SLC5A12: variants seen among roughly 807,000 people sequenced by gnomAD.
SLC5A12 encodes sodium-coupled monocarboxylate transporter 2.
In SLC5A12, 46 loss-of-function variants were observed where a neutral mutation model predicts 72.7. That is an observed-to-expected ratio of 0.63 (90% confidence interval 0.50 to 0.81). The LOEUF is 0.81. SLC5A12 is among the 30% of genes least tolerant of loss of function. The probability of loss-of-function intolerance (pLI) is 0.00; values close to 1 mark genes in which losing one functional copy is unlikely to be tolerated. For missense variants in SLC5A12, 683 were observed against 740.7 expected, an observed-to-expected ratio of 0.92 and a Z score of 0.90; for synonymous variants, 275 against 264.4, an observed-to-expected ratio of 1.04 and a Z score of -0.39.
At position 26,668,316 on chromosome 11, in the gene SLC5A12, C is replaced by T. The variant is rs887857384; in HGVS notation, c.*2786G>A. 2.0e-5 allele frequency: 3 copies of T among 151,982 alleles called. No individual in the cohort carries two copies. Among genetic ancestry groups the T allele is most frequent in the East Asian group, 1.9e-4 (1 of 5,182 alleles). 9.4% of individuals were successfully genotyped at this position (151,982 alleles called of 1,614,324 possible). A position where few individuals can be genotyped will look rare whatever the true frequency, so the allele number is the denominator to read the frequency against. On this transcript the variant is annotated 3_prime_UTR_variant, in exon 15 of 15. Transcript: ENST00000396005. ...TATCTGTGGTTGTGCTTTAAAGGTA[C>T]AGTGGTGAGTATCAAGTTTGGAACA...
intron 8 of SLC5A12, 106 bp from the exon 9 acceptor site, chr11:26,692,707 C>T: frequency 1.5e-6 from 1 of 670,044 alleles, no homozygotes; most frequent in Non-Finnish European, 2.6e-6. Flanking sequence ...CTAGAAAAAA[C>T]AGATGCAGAT....
chr11:26,702,098 T>C (rs1037260018), intron 6 of SLC5A12, among the ~76,000 whole-genome samples: 1 of 152,304 alleles, frequency 6.6e-6, no homozygotes, highest in Admixed American at 6.5e-5. Flanking sequence ...CCAACTATAA[T>C]CTATTTTAGA....
intron 4 of SLC5A12, among the ~76,000 whole-genome samples, chr11:26,708,353 C>G (rs957333371): frequency 6.6e-6 from 1 of 151,794 alleles, no homozygotes; most frequent in Non-Finnish European, 1.5e-5. Flanking sequence ...AGTTGAGTGT[C>G]TGGAATAGAA....
In SLC5A12 at chr11:26,715,941, C is replaced by A. The variant is rs1166146713; in HGVS notation, c.340-3235G>T. On this transcript the variant is annotated intron_variant, in intron 1 of 14. Transcript: ENST00000396005. ...TGAGCCAGGCAAAATTGTTAATCTG[C>A]AGAATTGTGAAAAACTAAAATTGTT... Among the ~76,000 whole-genome samples the A allele has an allele frequency of 3.3e-5, 5 of 152,088 alleles. No individual in the cohort carries two copies. The East Asian group carries it at 9.6e-4, about 29-fold the overall frequency.
chr11:26,712,619 TG>T, intron 2 of SLC5A12, 21 bp downstream of exon 2: 1 of 1,506,104 alleles, frequency 6.6e-7, no homozygotes, highest in South Asian at 1.3e-5. Flanking sequence ...TTTCCACATC[TG>T]CAGCAGCCAT....
intron 1 of SLC5A12, among the ~76,000 whole-genome samples, chr11:26,717,872 C>G (rs978650326): frequency 6.6e-6 from 1 of 152,066 alleles, no homozygotes; most frequent in South Asian, 2.1e-4. Context: ...CACTGCTGCT[C>G]CTGAAGCTAG....
chr11:26,685,798 C>T (rs1034132182), intron 10 of SLC5A12, among the ~76,000 whole-genome samples: 1 of 152,018 alleles, frequency 6.6e-6, no homozygotes, highest in African/African-American at 2.4e-5. Context: ...AGAACTTGAA[C>T]AGGGTATTTT....
At chr11:26,707,874 T>C (rs140745735) in intron 4 of SLC5A12, among the ~76,000 whole-genome samples, 2 of 152,126 alleles carry the variant, frequency 1.3e-5, no homozygotes, top group African/African-American at 4.8e-5. Flanking sequence ...GGATTATTCC[T>C]CCAGAGAGGA....
intron 12 of SLC5A12, among the ~76,000 whole-genome samples, chr11:26,680,402 T>TATGTATATATATAC (rs1854381874): frequency 8.3e-6 from 1 of 120,158 alleles, no homozygotes; most frequent in African/African-American, 2.9e-5. Flanking sequence ...TTCATATATA[T>TATGTATATATATAC]ATATATATTT....
In SLC5A12 at chr11:26,678,569, G is replaced by C. The variant is rs530188277; in HGVS notation, c.1579+143C>G. On this transcript the variant is annotated intron_variant, in intron 13 of 14. Coordinates refer to ENST00000396005, the MANE Select transcript of SLC5A12 (RefSeq NM_178498.4). ...TAATGAAGGGTGCCTTTGTATGTCA[G>C]CGTTGAGAGAGTAGACATCTCTGTG... The C allele has an allele frequency of 1.8e-5, 11 of 619,882 alleles. No homozygotes were observed. The East Asian group carries it at 2.9e-4, about 17-fold the overall frequency. The allele number at this position is 619,882 out of a possible 1,614,324, so 38.4% of individuals were successfully genotyped here. A position where few individuals can be genotyped will look rare whatever the true frequency, so the allele number is the denominator to read the frequency against.
Position 26,681,046 on chromosome 11 carries a change from T to A in SLC5A12, c.1475+9A>T. 2 of 1,579,582 alleles carry A rather than the reference T, an allele frequency of 1.3e-6. No individual in the cohort carries two copies. The highest frequency in any genetic ancestry group is 1.7e-6 in the Non-Finnish European group (2 of 1,163,132). On this transcript the variant is annotated intron_variant, in intron 12 of 14. Coordinates refer to ENST00000396005, the MANE Select transcript of SLC5A12 (RefSeq NM_178498.4). ...CTGGGACTTAGCACCATCTATAAAG[T>A]CAGCATACCTGCTGGATAGTACTGG...
intron 6 of SLC5A12, among the ~76,000 whole-genome samples, chr11:26,702,181 T>C (rs552530362): frequency 1.3e-5 from 2 of 152,160 alleles, no homozygotes; most frequent in African/African-American, 4.8e-5. Context: ...GATAAAGAGA[T>C]GACCACATGT....
chr11:26,715,853 C>T (rs1446894642), intron 1 of SLC5A12, among the ~76,000 whole-genome samples: 2 of 152,150 alleles, frequency 1.3e-5, no homozygotes, highest in Non-Finnish European at 2.9e-5. Flanking sequence ...AGCCAACTAG[C>T]TACCTTATGG....
chr11:26,676,986 T>C (rs1854281201), intron 13 of SLC5A12, among the ~76,000 whole-genome samples: 1 of 152,140 alleles, frequency 6.6e-6, no homozygotes, highest in Non-Finnish European at 1.5e-5. Flanking sequence ...TGTCCTTCCT[T>C]ACTGACCCTA....
At chr11:26,697,093 T>C in intron 8 of SLC5A12, 71 bp downstream of exon 8, 1 of 1,301,168 alleles carries the variant, frequency 7.7e-7, no homozygotes, top group Non-Finnish European at 1.1e-6. Context: ...TGCTAAATAT[T>C]GTTGATCACT....
In SLC5A12 at chr11:26,668,082, A is replaced by G. The variant is rs938760769; in HGVS notation, c.*3020T>C. The G allele has an allele frequency of 1.2e-4, 19 of 152,118 alleles. 1 individual carries two copies. The highest frequency in any genetic ancestry group is 4.6e-4 in the African/African-American group (19 of 41,534). 9.4% of individuals were successfully genotyped at this position (152,118 alleles called of 1,614,324 possible). A position where few individuals can be genotyped will look rare whatever the true frequency, so the allele number is the denominator to read the frequency against. ...TTTACTCCTATTAATTGGTGAATAA[A>G]CTAAGATTTTAAAATATTGCCCAAA... On this transcript the variant is annotated 3_prime_UTR_variant, in exon 15 of 15. Coordinates refer to ENST00000396005, the MANE Select transcript of SLC5A12 (RefSeq NM_178498.4).
chr11:26,676,984 C>T (rs1255893284), intron 13 of SLC5A12, among the ~76,000 whole-genome samples: 2 of 152,164 alleles, frequency 1.3e-5, no homozygotes, highest in Non-Finnish European at 2.9e-5. Flanking sequence ...TCTGTCCTTC[C>T]TTACTGACCC....
intron 1 of SLC5A12, among the ~76,000 whole-genome samples, chr11:26,719,508 A>G (rs140126808): frequency 6.6e-4 from 100 of 152,216 alleles, no homozygotes; most frequent in African/African-American, 2.3e-3. Context: ...CCTGCTGTAT[A>G]TAACTGGGCA....
In SLC5A12 at chr11:26,669,546, C is replaced by T. The variant is rs1262720180; in HGVS notation, c.*1556G>A. ...TCTCTTATAAACTGTAGCCTAATAC[C>T]TTCTTTCTCTTTCTCCATTCTCCTT... On this transcript the variant is annotated 3_prime_UTR_variant, in exon 15 of 15. Coordinates refer to ENST00000396005, the MANE Select transcript of SLC5A12 (RefSeq NM_178498.4). 6.6e-6 allele frequency: 1 copy of T among 151,732 alleles called. No homozygotes were observed. Among genetic ancestry groups the T allele is most frequent in the Non-Finnish European group, 1.5e-5 (1 of 67,914 alleles). 9.4% of individuals were successfully genotyped at this position (151,732 alleles called of 1,614,324 possible).
Sources: gnomAD v4.1 joint callset for allele counts (sites outside exome capture counted in the v4.1 genomes callset) on GRCh38, gnomAD v4.1.1 for gene constraint, MANE v1.5 for transcripts, NCBI Gene and HGNC (gene_info 2026-07-23, HGNC 2026-07-21) for gene names.